Variants in CNOT6 observed in about 807,000 individuals in gnomAD.
CNOT6 encodes CCR4-NOT transcription complex subunit 6.
In CNOT6, 12 loss-of-function variants were observed where a neutral mutation model predicts 61.2. The ratio of observed to expected loss-of-function variants is 0.20; its 90% CI spans 0.13 to 0.32. CNOT6 has a LOEUF of 0.32. Ranked by LOEUF, CNOT6 falls within the 10% of genes least tolerant of loss-of-function variation. The pLI is 1.00. For synonymous variants in CNOT6, 225 were observed against 240.6 expected, an observed-to-expected ratio of 0.94 and a Z score of 0.60; for missense variants, 405 against 663.9, an observed-to-expected ratio of 0.61 and a Z score of 4.28.
At chr5:180,567,029 G>A (rs1760500702) in intron 7 of CNOT6, 59 bp from the exon 8 acceptor site, 2 of 1,464,986 alleles carry the variant, frequency 1.4e-6, no homozygotes, top group Non-Finnish European at 1.9e-6. Context: ...ATACATAGAA[G>A]TTAATATGCA....
chr5:180,549,555 A>G lies in CNOT6; in HGVS notation c.113-376A>G, dbSNP rs1186396090. On this transcript the variant is annotated intron_variant, in intron 2 of 11. Transcript: ENST00000261951. ...ATCCCAGCTACTTGGAGGCTGAGGCAGGAGAATGGCATGAACCCGGGAGGC... is the reference window on the plus strand; with the variant it reads ...ATCCCAGCTACTTGGAGGCTGAGGCGGGAGAATGGCATGAACCCGGGAGGC... Among the ~76,000 whole-genome samples the G allele has an allele frequency of 8.5e-5, 13 of 152,228 alleles. No individual in the cohort carries two copies. In the East Asian group the frequency reaches 2.3e-3, roughly 27 times the overall value.
intron 2 of CNOT6, among the ~76,000 whole-genome samples, chr5:180,541,441 A>ATTTTT (rs1163850404): frequency 2.4e-4 from 26 of 106,556 alleles, no homozygotes; most frequent in African/African-American, 3.3e-4. Flanking sequence ...TGGCCAAGAA[A>ATTTTT]TTTTTTTTTT....
intron 1 of CNOT6, among the ~76,000 whole-genome samples, chr5:180,516,416 G>C (rs1379638306): frequency 1.3e-5 from 2 of 152,090 alleles, no homozygotes; most frequent in Non-Finnish European, 2.9e-5. Context: ...TCCCAACCTT[G>C]TGATCCGCCT....
chr5:180,530,217 T>A (rs1224431969), intron 2 of CNOT6, among the ~76,000 whole-genome samples: 1 of 152,342 alleles, frequency 6.6e-6, no homozygotes, highest in South Asian at 2.1e-4. Flanking sequence ...TTTAAAAATT[T>A]AATGCAGCAG....
chr5:180,542,717 A>G (rs1240958432), intron 2 of CNOT6, among the ~76,000 whole-genome samples: 3 of 152,252 alleles, frequency 2.0e-5, no homozygotes, highest in South Asian at 2.1e-4. Flanking sequence ...GCATTTAGCA[A>G]TAAAGGATCC....
At chr5:180,500,444 T>TC (rs35888134) in intron 1 of CNOT6, among the ~76,000 whole-genome samples, 42,261 of 147,732 alleles carry the variant, frequency 0.29, 6,873 homozygotes, top group Middle Eastern at 0.42. Context: ...TTCTTTTCTT[T>TC]TTTTTTTTTT....
chr5:180,511,294 A>T (rs1481902694), intron 1 of CNOT6, among the ~76,000 whole-genome samples: 1 of 151,742 alleles, frequency 6.6e-6, no homozygotes, highest in Non-Finnish European at 1.5e-5. Flanking sequence ...CCTGGGCAAC[A>T]TGGTGAAACC....
intron 2 of CNOT6, among the ~76,000 whole-genome samples, chr5:180,532,069 A>C (rs1415076773): frequency 6.6e-6 from 1 of 152,218 alleles, no homozygotes; most frequent in Non-Finnish European, 1.5e-5. Flanking sequence ...AGGTGTGGTC[A>C]TGGAGAGTGA....
At chr5:180,523,400 G>A (rs1757960263) in intron 1 of CNOT6, among the ~76,000 whole-genome samples, 1 of 152,080 alleles carries the variant, frequency 6.6e-6, no homozygotes, top group South Asian at 2.1e-4. Flanking sequence ...TTACTATTTT[G>A]TAACTACAAA....
chr5:180,542,998 C>G (rs1220348067), intron 2 of CNOT6, among the ~76,000 whole-genome samples: 16 of 152,112 alleles, frequency 1.1e-4, no homozygotes, highest in Non-Finnish European at 2.4e-4. Flanking sequence ...TTCTCTAGTA[C>G]ATTATGTTCT....
At chr5:180,556,113 A>G (rs1759875761) in intron 4 of CNOT6, among the ~76,000 whole-genome samples, 1 of 152,212 alleles carries the variant, frequency 6.6e-6, no homozygotes, top group Admixed American at 6.5e-5. Flanking sequence ...CTATAGTTTC[A>G]CGTTATCGTA....
At position 180,515,915 on chromosome 5, in the gene CNOT6, T is replaced by A. The variant is rs538184566; in HGVS notation, c.-2-13360T>A. Among the ~76,000 whole-genome samples, 44 of 152,088 alleles carry A rather than the reference T, an allele frequency of 2.9e-4. 1 individual carries two copies. In the East Asian group the frequency reaches 2.9e-3, roughly 10 times the overall value. On this transcript the variant is annotated intron_variant, in intron 1 of 11. Coordinates refer to ENST00000261951, the MANE Select transcript of CNOT6 (RefSeq NM_001370472.1). ...TCAAATTCAAGATTAAAAAAAAAAA[T>A]TTTCTTTTTGAGATCAGGGTCTCAC...
chr5:180,553,458 T>C lies in CNOT6; in HGVS notation c.372T>C (p.Thr124=). The C allele has an allele frequency of 6.2e-7, 1 of 1,613,096 alleles. No homozygotes were observed. The highest frequency in any genetic ancestry group is 1.1e-5 in the South Asian group (1 of 91,044). The change falls in exon 4 of 12, where the codon ACT becomes ACC. Residue 124 remains threonine (T), a synonymous_variant. Transcript: ENST00000261951. The part of the protein sequence containing the change: ...FELGKLFQLQ[T]LGLKGNPLTQ... Reference sequence around the variant, plus strand: ...TGGGAAAACTGTTTCAGTTGCAGACTTTAGGCCTGAAAGGTATGACTTCCA... The same window carrying C: ...TGGGAAAACTGTTTCAGTTGCAGACCTTAGGCCTGAAAGGTATGACTTCCA...
At chr5:180,571,130 C>T (rs1292079167) in intron 10 of CNOT6, 100 bp from the exon 11 acceptor site, 9 of 756,078 alleles carry the variant, frequency 1.2e-5, no homozygotes, top group Middle Eastern at 3.7e-4. Context: ...CATTTTGGAA[C>T]GTGGGAATAT....
intron 1 of CNOT6, among the ~76,000 whole-genome samples, chr5:180,497,250 C>T (rs1421346120): frequency 5.4e-5 from 8 of 149,316 alleles, no homozygotes; most frequent in African/African-American, 2.0e-4. Context: ...TGGCTTGAAC[C>T]TGGGAGGCAG....
intron 10 of CNOT6, among the ~76,000 whole-genome samples, 168 bp downstream of exon 10, chr5:180,569,508 T>C (rs920931889): frequency 6.6e-6 from 1 of 152,186 alleles, no homozygotes; most frequent in Non-Finnish European, 1.5e-5. Context: ...ATTTTGAAGA[T>C]GAAACGATAT....
chr5:180,528,456 GC>G (rs748259647), intron 1 of CNOT6, among the ~76,000 whole-genome samples: 93 of 151,914 alleles, frequency 6.1e-4, no homozygotes, highest in Non-Finnish European at 1.1e-3. Context: ...GACTACAGGC[GC>G]CTGCCACCAT....
chr5:180,508,882 G>T (rs1226298179), intron 1 of CNOT6, among the ~76,000 whole-genome samples: 1 of 150,992 alleles, frequency 6.6e-6, no homozygotes, highest in African/African-American at 2.4e-5. Flanking sequence ...GAGTGCAGTG[G>T]CGTGATCCTG....
At chr5:180,554,802 A>C (rs1759798765) in intron 4 of CNOT6, among the ~76,000 whole-genome samples, 1 of 152,118 alleles carries the variant, frequency 6.6e-6, no homozygotes, top group Non-Finnish European at 1.5e-5. Context: ...TTTGTGTATA[A>C]TTTTTTTAAT....
Sources: gnomAD v4.1 joint callset for allele counts (sites outside exome capture counted in the v4.1 genomes callset) on GRCh38, gnomAD v4.1.1 for gene constraint, MANE v1.5 for transcripts, NCBI Gene and HGNC (gene_info 2026-07-23, HGNC 2026-07-21) for gene names.